Variants in AIM2 observed in about 807,000 individuals in gnomAD.
The protein encoded by AIM2 is absent in melanoma 2.
A neutral mutation model predicts 27.7 loss-of-function variants in AIM2; 30 were observed. The observed-to-expected ratio is 1.08, with a 90% CI of 0.81 to 1.47. The LOEUF (loss-of-function observed/expected upper bound fraction) is 1.47, where lower values mean the gene tolerates loss of function less well. AIM2 is among the 40% of genes most tolerant of loss of function. The pLI is 0.00. For missense variants in AIM2, 358 were observed against 411.3 expected, an observed-to-expected ratio of 0.87 and a Z score of 1.12; for synonymous variants, 141 against 145.3, an observed-to-expected ratio of 0.97 and a Z score of 0.21.
intron 2 of AIM2, among the ~76,000 whole-genome samples, chr1:159,069,429 C>G (rs1458778886): frequency 6.6e-6 from 1 of 151,826 alleles, no homozygotes; most frequent in Non-Finnish European, 1.5e-5. Flanking sequence ...CACCAATTCT[C>G]TCTCTCTATA....
At chr1:159,113,135 G>C (rs573796803) in intron 1 of AIM2, among the ~76,000 whole-genome samples, 4 of 151,908 alleles carry the variant, frequency 2.6e-5, no homozygotes, top group Admixed American at 2.6e-4. Flanking sequence ...TAGTAAAGAC[G>C]GGGTTTCACC....
intron 1 of AIM2, among the ~76,000 whole-genome samples, chr1:159,118,158 G>A (rs1647434005): frequency 1.3e-5 from 2 of 152,144 alleles, no homozygotes; most frequent in Admixed American, 6.6e-5. Context: ...TACATTAGTA[G>A]TTAGCTTTTT....
At chr1:159,074,297 G>T (rs1053611475) in intron 1 of AIM2, among the ~76,000 whole-genome samples, 1 of 152,074 alleles carries the variant, frequency 6.6e-6, no homozygotes, top group African/African-American at 2.4e-5. Context: ...CTTCCTGTAA[G>T]AATTTTACGG....
chr1:159,140,919 G>A (rs141857097), upstream of AIM2, among the ~76,000 whole-genome samples: 63 of 152,294 alleles, frequency 4.1e-4, no homozygotes, highest in African/African-American at 1.4e-3. Flanking sequence ...ACTTTTCACA[G>A]TAAATAGCAT....
intron 1 of AIM2, among the ~76,000 whole-genome samples, chr1:159,092,321 T>C (rs1277054093): frequency 1.3e-5 from 2 of 152,186 alleles, no homozygotes; most frequent in African/African-American, 4.8e-5. Flanking sequence ...CTAAATGTTA[T>C]AAATATATAT....
intron 1 of AIM2, among the ~76,000 whole-genome samples, chr1:159,103,974 G>C (rs1350353985): frequency 3.3e-4 from 50 of 151,616 alleles, no homozygotes; most frequent in Non-Finnish European, 5.9e-5. Flanking sequence ...TTTTCCCCCA[G>C]GATGGGTCAT....
At chr1:159,083,041 G>A (rs1195083469) in intron 1 of AIM2, among the ~76,000 whole-genome samples, 1 of 152,102 alleles carries the variant, frequency 6.6e-6, no homozygotes, top group Non-Finnish European at 1.5e-5. Flanking sequence ...AAAAGAATTA[G>A]CAATAAGCAC....
intron 2 of AIM2, among the ~76,000 whole-genome samples, chr1:159,070,722 G>A (rs1472562027): frequency 6.6e-6 from 1 of 152,232 alleles, no homozygotes; most frequent in African/African-American, 2.4e-5. Context: ...AGATCAGAAA[G>A]TGGTTGACTG....
chr1:159,111,901 G>T (rs1326280579), intron 1 of AIM2, among the ~76,000 whole-genome samples: 1 of 151,138 alleles, frequency 6.6e-6, no homozygotes, highest in Non-Finnish European at 1.5e-5. Context: ...TATTAGCCGA[G>T]CATGGTGGTG....
intron 1 of AIM2, among the ~76,000 whole-genome samples, chr1:159,098,937 T>C (rs1657257826): frequency 6.6e-6 from 1 of 151,718 alleles, no homozygotes; most frequent in Admixed American, 6.6e-5. Flanking sequence ...TTCAATCCAC[T>C]GAAAAGGTAG....
At chr1:159,080,968 T>C (rs1656762475), upstream of AIM2, among the ~76,000 whole-genome samples, 1 of 152,154 alleles carries the variant, frequency 6.6e-6, no homozygotes. Flanking sequence ...AAAGCATTTG[T>C]TCACAAAATA....
At chr1:159,098,359 T>C (rs1368026519) in intron 1 of AIM2, among the ~76,000 whole-genome samples, 1 of 152,140 alleles carries the variant, frequency 6.6e-6, no homozygotes, top group Non-Finnish European at 1.5e-5. Flanking sequence ...GTGTGTGCTC[T>C]CCAACAGTTG....
upstream of AIM2, among the ~76,000 whole-genome samples, chr1:159,080,879 C>A (rs1656760900): frequency 6.6e-6 from 1 of 152,116 alleles, no homozygotes; most frequent in South Asian, 2.1e-4. Flanking sequence ...ACTTATTCAT[C>A]TTGGCTCACA....
upstream of AIM2, among the ~76,000 whole-genome samples, chr1:159,078,772 T>C (rs757835859): frequency 1.3e-5 from 2 of 152,144 alleles, no homozygotes; most frequent in Non-Finnish European, 2.9e-5. Flanking sequence ...CGGAGAAAAG[T>C]GGGATCCCCA....
intron 1 of AIM2, among the ~76,000 whole-genome samples, chr1:159,111,152 C>T (rs1338867955): frequency 2.0e-5 from 3 of 152,122 alleles, no homozygotes; most frequent in Non-Finnish European, 4.4e-5. Flanking sequence ...ACAGCAAGAA[C>T]AGGTAGGACT....
chr1:159,124,407 T>A (rs1421549878), intron 1 of AIM2, among the ~76,000 whole-genome samples: 1 of 152,220 alleles, frequency 6.6e-6, no homozygotes, highest in Non-Finnish European at 1.5e-5. Flanking sequence ...AAAATATTGT[T>A]CTCTGGCCCT....
At chr1:159,077,519 C>T (rs1168529393), upstream of AIM2, among the ~76,000 whole-genome samples, 1 of 152,204 alleles carries the variant, frequency 6.6e-6, no homozygotes. Context: ...CCAGTTTCTT[C>T]TGTGTTACAT....
intron 1 of AIM2, among the ~76,000 whole-genome samples, chr1:159,127,460 G>A (rs1647722978): frequency 6.6e-6 from 1 of 152,200 alleles, no homozygotes; most frequent in Non-Finnish European, 1.5e-5. Flanking sequence ...CAATCCCAAT[G>A]TGATGGCATG....
chr1:159,091,614 C>A (rs1657045361), intron 1 of AIM2, among the ~76,000 whole-genome samples: 1 of 152,216 alleles, frequency 6.6e-6, no homozygotes, highest in South Asian at 2.1e-4. Flanking sequence ...GTGTTGACAG[C>A]AATCTGTAGG....
Sources: allele counts gnomAD v4.1 joint callset (sites outside exome capture counted in the v4.1 genomes callset), GRCh38; gene constraint gnomAD v4.1.1; transcripts MANE v1.5; gene names NCBI Gene and HGNC (gene_info 2026-07-23, HGNC 2026-07-21).